CADM2: variants seen among roughly 807,000 people sequenced by gnomAD.
The protein encoded by CADM2 is immunoglobulin superfamily member 4D.
CADM2 carries 12 observed loss-of-function variants against 49.8 expected under a neutral mutation model. That is an observed-to-expected ratio of 0.24 (90% CI 0.15 to 0.39). The LOEUF (loss-of-function observed/expected upper bound fraction) is 0.39, where lower values mean the gene tolerates loss of function less well. Ranked by LOEUF, CADM2 falls within the 10% of genes least tolerant of loss-of-function variation. The pLI is 1.00. For synonymous variants in CADM2, 214 were observed against 175.4 expected, an observed-to-expected ratio of 1.22 and a Z score of -1.74; for missense variants, 378 against 492.3, an observed-to-expected ratio of 0.77 and a Z score of 2.20.
At chr3:85,994,046 G>A (rs1342673821) in intron 8 of CADM2, 2 of 152,184 alleles carry the variant, frequency 1.3e-5, no homozygotes, top group Non-Finnish European at 2.9e-5. Flanking sequence ...TTTGAAGTCA[G>A]GCACTGGCTT....
chr3:85,879,931 TC>T (rs1712491485), intron 3 of CADM2, among the ~76,000 whole-genome samples: 1 of 152,170 alleles, frequency 6.6e-6, no homozygotes, highest in Admixed American at 6.5e-5. Context: ...ATCACTACAA[TC>T]AAGAGACAAA....
intron 3 of CADM2, among the ~76,000 whole-genome samples, chr3:85,818,679 A>G (rs2073371472): frequency 6.6e-6 from 1 of 152,164 alleles, no homozygotes; most frequent in Non-Finnish European, 1.5e-5. Context: ...TCATCACAAT[A>G]TAAATTCTTT....
chr3:85,498,570 C>A (rs530575236), intron 1 of CADM2, among the ~76,000 whole-genome samples: 1 of 152,028 alleles, frequency 6.6e-6, no homozygotes. Flanking sequence ...GGTTGAAAAC[C>A]GATGTCTGAT....
At chr3:85,514,609 C>T (rs888043992) in intron 1 of CADM2, among the ~76,000 whole-genome samples, 1 of 152,004 alleles carries the variant, frequency 6.6e-6, no homozygotes, top group East Asian at 1.9e-4. Context: ...CTGAGAAAGT[C>T]TCTTATTCAG....
chr3:85,383,516 G>GTA (rs994717831), intron 1 of CADM2, among the ~76,000 whole-genome samples: 305 of 24,426 alleles, frequency 0.012, 4 homozygotes, highest in African/African-American at 0.044. Context: ...ATATATATAT[G>GTA]TATATATATA....
chr3:85,292,547 C>T (rs2043831034), intron 1 of CADM2, among the ~76,000 whole-genome samples: 1 of 151,916 alleles, frequency 6.6e-6, no homozygotes, highest in Non-Finnish European at 1.5e-5. Context: ...AAGTAAAGCT[C>T]TCCTCAGCAA....
intron 2 of CADM2, among the ~76,000 whole-genome samples, chr3:85,794,641 A>T (rs2071517029): frequency 6.6e-6 from 1 of 152,100 alleles, no homozygotes. Context: ...ACTCCTCTGA[A>T]ATCTAGGATG....
chr3:85,879,725 C>G (rs1420847597), intron 3 of CADM2, among the ~76,000 whole-genome samples: 1 of 152,076 alleles, frequency 6.6e-6, no homozygotes, highest in Non-Finnish European at 1.5e-5. Context: ...CTCTTGTGTA[C>G]CTTTCACCCA....
intron 2 of CADM2, among the ~76,000 whole-genome samples, chr3:85,758,627 T>G (rs1043076585): frequency 4.6e-5 from 7 of 152,170 alleles, no homozygotes; most frequent in Non-Finnish European, 1.0e-4. Context: ...TAGTTTGGTT[T>G]TATTTGAGTC....
chr3:85,317,010 G>A (rs2044481356), intron 1 of CADM2, among the ~76,000 whole-genome samples: 1 of 152,060 alleles, frequency 6.6e-6, no homozygotes, highest in Non-Finnish European at 1.5e-5. Flanking sequence ...AGTGTAAAAT[G>A]GGTAGATGAA....
intron 1 of CADM2, among the ~76,000 whole-genome samples, chr3:85,306,078 G>T (rs1009851661): frequency 2.6e-5 from 4 of 151,456 alleles, no homozygotes; most frequent in Admixed American, 1.3e-4. Context: ...CAATATCTGA[G>T]ATAAATATAT....
At chr3:85,294,394 T>C (rs62253076) in intron 1 of CADM2, among the ~76,000 whole-genome samples, 14,615 of 150,206 alleles carry the variant, frequency 0.097, 1,157 homozygotes, top group African/African-American at 0.22. Context: ...AATGCCATCC[T>C]CATCAAGCTA....
intron 8 of CADM2, among the ~76,000 whole-genome samples, chr3:86,026,684 A>G (rs1030135901): frequency 6.6e-6 from 1 of 152,016 alleles, no homozygotes; most frequent in Admixed American, 6.6e-5. Context: ...TTTCATTCTC[A>G]TGTTGTATGT....
At chr3:85,291,374 A>T (rs539154628) in intron 1 of CADM2, among the ~76,000 whole-genome samples, 2 of 151,470 alleles carry the variant, frequency 1.3e-5, no homozygotes, top group African/African-American at 4.9e-5. Flanking sequence ...GCAGGATATT[A>T]TCCATGAGAA....
chr3:85,480,489 G>A (rs116002566), intron 1 of CADM2, among the ~76,000 whole-genome samples: 2,098 of 151,848 alleles, frequency 0.014, 49 homozygotes, highest in African/African-American at 0.048. Context: ...TTAGTAAAAG[G>A]GGGAGAATAA....
intron 1 of CADM2, among the ~76,000 whole-genome samples, chr3:85,418,195 C>T (rs2053106): frequency 0.86 from 131,401 of 152,036 alleles, 56,925 homozygotes; most frequent in East Asian, 0.95. Flanking sequence ...AGTTATTCTG[C>T]ATAATAAAGT....
chr3:85,133,272 G>A (rs113091113), intron 1 of CADM2, among the ~76,000 whole-genome samples: 1 of 152,072 alleles, frequency 6.6e-6, no homozygotes, highest in Non-Finnish European at 1.5e-5. Flanking sequence ...CTCGGGCAGC[G>A]TGCTTTTATT....
At chr3:85,123,112 T>C (rs2038920304) in intron 1 of CADM2, among the ~76,000 whole-genome samples, 1 of 152,142 alleles carries the variant, frequency 6.6e-6, no homozygotes, top group Non-Finnish European at 1.5e-5. Context: ...TTCCTACTTT[T>C]TTTCCCATGC....
At chr3:84,977,616 G>T (rs1368986230) in intron 1 of CADM2, among the ~76,000 whole-genome samples, 1 of 151,980 alleles carries the variant, frequency 6.6e-6, no homozygotes, top group Non-Finnish European at 1.5e-5. Flanking sequence ...TGTTTTGTAG[G>T]TGAATCTCAG....
Sources: gnomAD v4.1 joint callset for allele counts (sites outside exome capture counted in the v4.1 genomes callset) on GRCh38, gnomAD v4.1.1 for gene constraint, MANE v1.5 for transcripts, NCBI Gene and HGNC (gene_info 2026-07-23, HGNC 2026-07-21) for gene names.